Variants in LTBP1 observed in about 807,000 individuals in gnomAD.
LTBP1 encodes latent transforming growth factor beta binding protein 1.
LTBP1 carries 129 observed loss-of-function variants against 207.6 expected under a neutral mutation model. The ratio of observed to expected loss-of-function variants is 0.62; its 90% confidence interval spans 0.54 to 0.72. LTBP1 has a LOEUF of 0.72. LTBP1 is among the 30% of genes least tolerant of loss of function. The pLI, the probability that LTBP1 is intolerant of heterozygous loss-of-function variation, is 0.00. For missense variants in LTBP1, 2,281 were observed against 2,217.2 expected, an observed-to-expected ratio of 1.03 and a Z score of -0.58; for synonymous variants, 963 against 833.7, an observed-to-expected ratio of 1.16 and a Z score of -2.67.
intron 5 of LTBP1, among the ~76,000 whole-genome samples, chr2:33,178,991 T>C (rs1306837149): frequency 6.6e-6 from 1 of 152,224 alleles, no homozygotes; most frequent in East Asian, 1.9e-4. Context: ...TCCTCCCACC[T>C]TGGCCTCCTA....
chr2:33,016,972 G>A (rs1380216443), intron 2 of LTBP1, among the ~76,000 whole-genome samples: 3 of 152,286 alleles, frequency 2.0e-5, no homozygotes, highest in South Asian at 2.1e-4. Context: ...AGTCAAGATC[G>A]TGCCACTGCA....
chr2:33,260,694 A>G (rs74673522), intron 13 of LTBP1, among the ~76,000 whole-genome samples: 4,269 of 152,268 alleles, frequency 0.028, 86 homozygotes, highest in South Asian at 0.066. Flanking sequence ...CTTTTTGTGT[A>G]CTTTTGAAGC....
intron 2 of LTBP1, among the ~76,000 whole-genome samples, chr2:32,968,972 G>C (rs1022879676): frequency 1.4e-5 from 2 of 147,610 alleles, no homozygotes; most frequent in Non-Finnish European, 3.0e-5. Context: ...CTGGAGTGCA[G>C]TGGGCAATCT....
chr2:33,170,298 C>T (rs887010559), intron 5 of LTBP1, among the ~76,000 whole-genome samples: 1 of 152,166 alleles, frequency 6.6e-6, no homozygotes, highest in East Asian at 1.9e-4. Context: ...GTCACTCCCA[C>T]CCTAATACTG....
intron 15 of LTBP1, among the ~76,000 whole-genome samples, chr2:33,264,376 T>C (rs2093116263): frequency 6.6e-6 from 1 of 152,050 alleles, no homozygotes; most frequent in Admixed American, 6.5e-5. Flanking sequence ...TAATACTGGA[T>C]CATGGATAAT....
Position 33,019,787 on chromosome 2 carries a change from C to T in LTBP1, c.566-1122C>T, listed in dbSNP as rs141333285. Among the ~76,000 whole-genome samples the T allele has an allele frequency of 4.4e-3, 667 of 152,142 alleles. 8 individuals are homozygous for T. The highest frequency in any genetic ancestry group is 0.015 in the African/African-American group (617 of 41,496). On this transcript the variant is annotated intron_variant, in intron 2 of 33. Coordinates refer to ENST00000404816, the MANE Select transcript of LTBP1 (RefSeq NM_206943.4). ...AGGCTGGAGTGTAGTGCTGTGATCA[C>T]GGTCACTGCAGCCTCGACCTCCTGA...
intron 3 of LTBP1, among the ~76,000 whole-genome samples, chr2:33,031,134 T>C (rs907061513): frequency 2.0e-5 from 3 of 152,230 alleles, no homozygotes; most frequent in Non-Finnish European, 4.4e-5. Flanking sequence ...ACGTCTTAAA[T>C]TGGATTGTAA....
At chr2:33,179,050 CTTTTATTTGCTGT>C (rs2086355285) in intron 5 of LTBP1, among the ~76,000 whole-genome samples, 1 of 120,478 alleles carries the variant, frequency 8.3e-6, no homozygotes, top group Admixed American at 8.7e-5. Context: ...CCCCAGCATG[CTTTTATTTGCTGT>C]TTTTAAAAAG....
At chr2:33,063,166 C>T (rs2077349729) in intron 3 of LTBP1, 1 of 152,010 alleles carries the variant, frequency 6.6e-6, no homozygotes, top group African/African-American at 2.4e-5. Context: ...CACTTTTTGA[C>T]ATTTGTAGGC....
intron 2 of LTBP1, among the ~76,000 whole-genome samples, chr2:32,963,829 A>G (rs1679525612): frequency 6.6e-6 from 1 of 152,080 alleles, no homozygotes; most frequent in Non-Finnish European, 1.5e-5. Flanking sequence ...CATTTTCACA[A>G]GCACCCATCT....
In LTBP1 at chr2:33,259,625, G is replaced by C; in HGVS notation, c.2418+15G>C. ...CCCCTGAAAAGGTAATTTATTCATT[G>C]CTTGCAAGTCTTTTTTTTTCAACGC... On this transcript the variant is annotated intron_variant, in intron 13 of 33. Coordinates refer to ENST00000404816, the MANE Select transcript of LTBP1 (RefSeq NM_206943.4). 1.9e-6 allele frequency: 3 copies of C among 1,593,536 alleles called. No individual in the cohort carries two copies. The highest frequency in any genetic ancestry group is 2.6e-6 in the Non-Finnish European group (3 of 1,171,782).
chr2:33,210,261 G>T (rs1031304207), intron 7 of LTBP1, among the ~76,000 whole-genome samples: 13 of 152,120 alleles, frequency 8.5e-5, no homozygotes, highest in African/African-American at 3.1e-4. Context: ...TCTGCTGTTT[G>T]TTTGAGAAAA....
chr2:32,982,314 G>C (rs1682885092), intron 2 of LTBP1, among the ~76,000 whole-genome samples: 1 of 152,156 alleles, frequency 6.6e-6, no homozygotes, highest in African/African-American at 2.4e-5. Flanking sequence ...GGGGTATCTG[G>C]TGGAAGAAAC....
At chr2:33,201,129 A>G (rs1167006559) in intron 7 of LTBP1, among the ~76,000 whole-genome samples, 6 of 152,202 alleles carry the variant, frequency 3.9e-5, no homozygotes, top group African/African-American at 7.2e-5. Flanking sequence ...ATTACTGAGT[A>G]TATACCCAAA....
intron 9 of LTBP1, among the ~76,000 whole-genome samples, chr2:33,226,544 C>T (rs1190286189): frequency 1.3e-5 from 2 of 152,224 alleles, no homozygotes; most frequent in African/African-American, 2.4e-5. Context: ...CAGCAGCGTA[C>T]AGCAACAGTA....
chr2:33,302,766 C>T (rs1322082057), intron 22 of LTBP1, among the ~76,000 whole-genome samples: 1 of 152,040 alleles, frequency 6.6e-6, no homozygotes, highest in Admixed American at 6.6e-5. Context: ...AAGTTGTAAT[C>T]AATATACCTA....
chr2:33,328,166 T>TAAATAAATAAATAAATAAATAAAA (rs1385099900), intron 24 of LTBP1, among the ~76,000 whole-genome samples: 19 of 146,286 alleles, frequency 1.3e-4, no homozygotes, highest in Non-Finnish European at 2.4e-4. Context: ...AATAAATAAA[T>TAAATAAATAAATAAATAAATAAAA]AAAATAAAAA....
chr2:33,340,318 G>A (rs1001899099), intron 24 of LTBP1, among the ~76,000 whole-genome samples: 3 of 152,078 alleles, frequency 2.0e-5, no homozygotes, highest in Non-Finnish European at 2.9e-5. Context: ...GAGGAGGATG[G>A]GGGATTTATC....
intron 23 of LTBP1, 114 bp from the exon 24 acceptor site, chr2:33,315,030 C>T (rs1227849221): frequency 2.5e-6 from 2 of 794,728 alleles, no homozygotes; most frequent in Non-Finnish European, 3.9e-6. Flanking sequence ...TATAGTTGTT[C>T]CACTAAATAA....
Sources: allele counts gnomAD v4.1 joint callset (sites outside exome capture counted in the v4.1 genomes callset), GRCh38; gene constraint gnomAD v4.1.1; transcripts MANE v1.5; gene names NCBI Gene and HGNC (gene_info 2026-07-23, HGNC 2026-07-21).